The following LIFR variants were observed in gnomAD, a reference collection of about 807,000 sequenced individuals.
LIFR encodes the protein leukemia inhibitory factor receptor.
LIFR carries 84 observed loss-of-function variants against 122.2 expected under a neutral mutation model. That is an observed-to-expected ratio of 0.69 (90% CI 0.58 to 0.82). The LOEUF is 0.82. Among genes scored for constraint, LIFR ranks in the 40% least tolerant of loss-of-function variants. The probability of loss-of-function intolerance (pLI) is 0.00; values close to 1 mark genes in which losing one functional copy is unlikely to be tolerated. For synonymous variants in LIFR, 422 were observed against 434.7 expected (o/e 0.97, Z 0.36); for missense variants, 1,294 against 1,311.6 (o/e 0.99, Z 0.21).
At chr5:38,503,886 T>A in intron 10 of LIFR, 90 bp downstream of exon 10, 1 of 898,486 alleles carries the variant, frequency 1.1e-6, no homozygotes, top group South Asian at 1.5e-5. Flanking sequence ...ATAAATAATC[T>A]GAGAGCTTAA....
chr5:38,567,782 A>C (rs1022149618), intron 1 of LIFR, among the ~76,000 whole-genome samples: 2 of 151,816 alleles, frequency 1.3e-5, no homozygotes, highest in African/African-American at 2.4e-5. Flanking sequence ...GCCCACCTCA[A>C]CCTCCCAAAG....
At chr5:38,598,624 TC>T (rs1750167019), upstream of LIFR, among the ~76,000 whole-genome samples, 1 of 152,078 alleles carries the variant, frequency 6.6e-6, no homozygotes, top group Non-Finnish European at 1.5e-5. Context: ...CAGGCCTGCA[TC>T]ACCCGCTCCT....
chr5:38,545,645 G>C (rs1277439285), intron 1 of LIFR, among the ~76,000 whole-genome samples: 2 of 151,894 alleles, frequency 1.3e-5, no homozygotes, highest in Admixed American at 1.3e-4. Context: ...GGCGGATCAC[G>C]AGGTCAGGAA....
chr5:38,556,426 CG>C lies in LIFR; in HGVS notation c.-113del. The stretch of plus-strand genomic sequence containing the variant: ...GGGCTGCCCAGATCCCACAGCCGCC[CG>C]GGGGCAGGAGCCGCCAAGGAGGGGG... On this transcript the variant is annotated 5_prime_UTR_variant, in exon 1 of 20. Coordinates refer to ENST00000453190, the MANE Select transcript of LIFR (RefSeq NM_001127671.2). 6.6e-6 allele frequency: 1 copy of C among 152,110 alleles called. No homozygotes were observed. Among genetic ancestry groups the C allele is most frequent in the Non-Finnish European group, 1.5e-5 (1 of 68,170 alleles). The allele number at this position is 152,110 out of a possible 1,614,324, so 9.4% of individuals were successfully genotyped here.
In LIFR at chr5:38,479,257, A is replaced by G. The variant is rs1049096599; in HGVS notation, c.*2338T>C. The G allele has an allele frequency of 8.6e-6, 2 of 231,902 alleles. No homozygotes were observed. Among genetic ancestry groups the G allele is most frequent in the Admixed American group, 1.1e-4 (2 of 17,742 alleles). 14.4% of individuals were successfully genotyped at this position (231,902 alleles called of 1,614,324 possible). A position where few individuals can be genotyped will look rare whatever the true frequency, so the allele number is the denominator to read the frequency against. On this transcript the variant is annotated 3_prime_UTR_variant, in exon 20 of 20. Coordinates refer to ENST00000453190, the MANE Select transcript of LIFR (RefSeq NM_001127671.2). ...CATTCTTTTAAGCACACAGCAACTT[A>G]TAAGGAGCTTGCCCAGACTTAATAG...
At chr5:38,485,009 T>C in intron 17 of LIFR, 141 bp from the exon 18 acceptor site, 1 of 654,704 alleles carries the variant, frequency 1.5e-6, no homozygotes, top group East Asian at 2.9e-5. Flanking sequence ...TGAAAAACTA[T>C]TAAAATCAAA....
At chr5:38,596,702 A>T (rs983439357), upstream of LIFR, among the ~76,000 whole-genome samples, 7 of 152,166 alleles carry the variant, frequency 4.6e-5, no homozygotes, top group Admixed American at 4.6e-4. Flanking sequence ...ACCTTGTTAG[A>T]TAACTTCCAG....
chr5:38,567,703 A>T (rs547046241), intron 1 of LIFR, among the ~76,000 whole-genome samples: 90 of 151,824 alleles, frequency 5.9e-4, no homozygotes, highest in African/African-American at 2.1e-3. Context: ...TAATTTTTGT[A>T]TTTTTAGTAG....
intron 10 of LIFR, 123 bp downstream of exon 10, chr5:38,503,853 T>C: frequency 2.7e-6 from 2 of 741,886 alleles, no homozygotes; most frequent in African/African-American, 1.8e-5. Context: ...AATGTCTTTC[T>C]TGGTTCTTAG....
Position 38,485,702 on chromosome 5 carries a change from C to T in LIFR, c.2497+117G>A, listed in dbSNP as rs531247159. The T allele has an allele frequency of 2.2e-5, 26 of 1,185,370 alleles. 1 individual carries two copies. The Middle Eastern group carries it at 7.7e-4, about 35-fold the overall frequency. 73.4% of individuals were successfully genotyped at this position (1,185,370 alleles called of 1,614,324 possible). On this transcript the variant is annotated intron_variant, in intron 17 of 19. Transcript: ENST00000453190. ...CCTTCCCTCTACCAGCCAAAAACTG[C>T]AACAAAATGTGAATGTTTTTTAGAA...
At chr5:38,562,157 A>T (rs1748863312) in intron 1 of LIFR, among the ~76,000 whole-genome samples, 1 of 151,990 alleles carries the variant, frequency 6.6e-6, no homozygotes, top group South Asian at 2.1e-4. Flanking sequence ...GCCCCTCTCC[A>T]TATGGTTGGT....
chr5:38,504,923 G>A (rs1007473065), intron 9 of LIFR, among the ~76,000 whole-genome samples: 22 of 152,208 alleles, frequency 1.4e-4, no homozygotes, highest in African/African-American at 4.3e-4. Context: ...ACATGCCTTC[G>A]GTTTAGGCCC....
chr5:38,511,714 G>T, intron 6 of LIFR, 76 bp downstream of exon 6: 2 of 1,420,004 alleles, frequency 1.4e-6, no homozygotes, highest in Non-Finnish European at 9.9e-7. Context: ...AGAAGTGAAA[G>T]CTCAAACTAA....
intron 1 of LIFR, among the ~76,000 whole-genome samples, chr5:38,576,479 G>C (rs1749389888): frequency 6.6e-6 from 1 of 152,182 alleles, no homozygotes; most frequent in South Asian, 2.1e-4. Context: ...TGGTTAAAGA[G>C]GGTTGTCCTG....
At position 38,478,898 on chromosome 5, in the gene LIFR, T is replaced by C. The variant is rs886060617; in HGVS notation, c.*2697A>G. On this transcript the variant is annotated 3_prime_UTR_variant, in exon 20 of 20. Coordinates refer to ENST00000453190, the MANE Select transcript of LIFR (RefSeq NM_001127671.2). The stretch of plus-strand genomic sequence containing the variant: ...GTTAGTAAGGGCTGGAGAGAACACA[T>C]CTAGCCTCTGCTTCTAACTAGTCCT... 42 of 228,418 alleles carry C rather than the reference T, an allele frequency of 1.8e-4. No individual in the cohort carries two copies. The East Asian group carries it at 2.4e-3, about 13-fold the overall frequency. 14.1% of individuals were successfully genotyped at this position (228,418 alleles called of 1,614,324 possible).
rs530333506 is a variant in LIFR, at chr5:38,556,351, C to A, written c.-37G>T. The stretch of plus-strand genomic sequence containing the variant: ...GGACTCACGGTACGCTCCCGCGCCG[C>A]TATCTTGCCATCCCCTGCCGCCGGC... On this transcript the variant is annotated 5_prime_UTR_variant, in exon 1 of 20. An upstream open reading frame in the 5' UTR loses its in-frame stop. Transcript: ENST00000453190. 68 of 152,276 alleles carry A rather than the reference C, an allele frequency of 4.5e-4. 1 individual carries two copies. In the East Asian group the frequency reaches 0.01, roughly 23 times the overall value. 9.4% of individuals were successfully genotyped at this position (152,276 alleles called of 1,614,324 possible). A position where few individuals can be genotyped will look rare whatever the true frequency, so the allele number is the denominator to read the frequency against.
chr5:38,550,897 G>T (rs1748166166), intron 1 of LIFR, among the ~76,000 whole-genome samples: 1 of 152,096 alleles, frequency 6.6e-6, no homozygotes, highest in South Asian at 2.1e-4. Context: ...TGGATCTGAA[G>T]GGCCTTCCAG....
Position 38,527,207 on chromosome 5 carries a change from TAGA to T in LIFR, c.342_344del (p.Leu115del). 1 of 1,586,880 alleles carries T rather than the reference TAGA, an allele frequency of 6.3e-7. No individual in the cohort carries two copies. The highest frequency in any genetic ancestry group is 1.1e-5 in the South Asian group (1 of 90,002). ...TACTTGTAGAACTTCCAAAATCATG[TAGA>T]GAATTTATTGTTATTTCATAATCAC... is the stretch of plus-strand genomic sequence containing the variant. On this transcript the variant is annotated inframe_deletion, in exon 4 of 20. Transcript: ENST00000453190.
intron 1 of LIFR, among the ~76,000 whole-genome samples, chr5:38,574,024 GAGA>G (rs1749301131): frequency 6.6e-6 from 1 of 152,092 alleles, no homozygotes; most frequent in South Asian, 2.1e-4. Flanking sequence ...GCTGAGGCAG[GAGA>G]ATTGCTTGAA....
Sources: gnomAD v4.1 joint callset for allele counts (sites outside exome capture counted in the v4.1 genomes callset) on GRCh38, gnomAD v4.1.1 for gene constraint, MANE v1.5 for transcripts, NCBI Gene and HGNC (gene_info 2026-07-23, HGNC 2026-07-21) for gene names.